Variants in TAFA5 observed in about 807,000 individuals in gnomAD.
TAFA5 encodes chemokine-like protein TAFA-5.
Under a neutral mutation model 15.3 loss-of-function variants are expected in TAFA5, and 6 were observed. The observed-to-expected ratio is 0.39, with a 90% CI of 0.21 to 0.77. The LOEUF (loss-of-function observed/expected upper bound fraction) is 0.77. Among genes scored for constraint, TAFA5 ranks in the 30% least tolerant of loss-of-function variants. The pLI, the probability that TAFA5 is intolerant of heterozygous loss-of-function variation, is 0.41. For synonymous variants in TAFA5, 103 were observed against 80.7 expected (o/e 1.28, Z -1.48); for missense variants, 161 against 193.1 (o/e 0.83, Z 0.98).
intron 1 of TAFA5, among the ~76,000 whole-genome samples, chr22:48,556,853 C>A (rs956795416): frequency 6.6e-6 from 1 of 152,188 alleles, no homozygotes; most frequent in Non-Finnish European, 1.5e-5. Flanking sequence ...CCCTTGGGGG[C>A]ACTGTCCAGC....
intron 2 of TAFA5, among the ~76,000 whole-genome samples, chr22:48,685,901 CTTA>C (rs1406773041): frequency 1.3e-5 from 2 of 152,076 alleles, no homozygotes; most frequent in Non-Finnish European, 2.9e-5. Context: ...GATGCCTTCC[CTTA>C]GTACACACAG....
At chr22:48,663,885 C>G (rs1457633611) in intron 2 of TAFA5, among the ~76,000 whole-genome samples, 1 of 152,194 alleles carries the variant, frequency 6.6e-6, no homozygotes, top group East Asian at 1.9e-4. Flanking sequence ...AGTGCAAGAG[C>G]ACGGGTGATG....
intron 1 of TAFA5, among the ~76,000 whole-genome samples, chr22:48,642,584 G>T (rs890132816): frequency 1.3e-5 from 2 of 152,188 alleles, no homozygotes; most frequent in Non-Finnish European, 1.5e-5. Context: ...GGCCGGCCTG[G>T]ACCCCTCCCC....
chr22:48,602,527 G>T (rs1925011662), intron 1 of TAFA5, among the ~76,000 whole-genome samples: 1 of 152,198 alleles, frequency 6.6e-6, no homozygotes, highest in Non-Finnish European at 1.5e-5. Flanking sequence ...TCACCCCCTT[G>T]CAGTTTCTCT....
rs1489288603 is a variant in TAFA5 at position 48,736,865 on chromosome 22, G to A, written c.391-12974G>A. ...GGGAGTGGTTGCTGACGGGTATGGC[G>A]TTGCTTTCGAGGAGATGAAGGTGTC... On this transcript the variant is annotated intron_variant, in intron 3 of 3. Transcript: ENST00000402357. Among the ~76,000 whole-genome samples the A allele has an allele frequency of 5.3e-5, 8 of 152,232 alleles. No individual in the cohort carries two copies. The East Asian group carries it at 5.8e-4, about 11-fold the overall frequency.
intron 1 of TAFA5, among the ~76,000 whole-genome samples, chr22:48,613,176 A>T (rs1010337902): frequency 6.6e-6 from 1 of 152,124 alleles, no homozygotes; most frequent in African/African-American, 2.4e-5. Context: ...TCTAGGGAGC[A>T]CTCACGGCTG....
rs994150917 is a variant in TAFA5 at position 48,598,015 on chromosome 22, A to C, written c.113-48582A>C. ...AGAGAACGGAACCAATGGGACTTCG[A>C]GAGAGCGAGAGGGAGCGAGGTTTCC... On this transcript the variant is annotated intron_variant, in intron 1 of 3. Coordinates refer to ENST00000402357, the MANE Select transcript of TAFA5 (RefSeq NM_001082967.3). This position sits in a 1 kb window ranked among gnomAD's most constrained non-coding sequence, Gnocchi z 4.0. 6.6e-6 allele frequency among the ~76,000 whole-genome samples: 1 copy of C among 152,222 alleles called. No homozygotes were observed. Among genetic ancestry groups the C allele is most frequent in the Admixed American group, 6.5e-5 (1 of 15,288 alleles).
At chr22:48,506,657 C>T (rs1921005086) in intron 1 of TAFA5, among the ~76,000 whole-genome samples, 1 of 152,190 alleles carries the variant, frequency 6.6e-6, no homozygotes, top group African/African-American at 2.4e-5. Flanking sequence ...GGCTGCCCTG[C>T]CGGGTGCTGA....
chr22:48,695,650 A>C (rs2147241881), intron 2 of TAFA5, among the ~76,000 whole-genome samples: 1 of 152,248 alleles, frequency 6.6e-6, no homozygotes. Context: ...CCTATGGACA[A>C]TTGGCTTCTC....
intron 2 of TAFA5, among the ~76,000 whole-genome samples, chr22:48,706,971 C>T (rs130136): frequency 6.6e-6 from 1 of 152,130 alleles, no homozygotes; most frequent in Admixed American, 6.5e-5. Flanking sequence ...GCAATTCTCT[C>T]TGGCATGGGA....
intron 1 of TAFA5, among the ~76,000 whole-genome samples, chr22:48,576,046 C>T (rs1379641796): frequency 9.0e-6 from 1 of 111,500 alleles, no homozygotes; most frequent in East Asian, 2.5e-4. Flanking sequence ...CGGACCCCCC[C>T]CCCCCCCGCG....
chr22:48,570,650 C>A (rs971068919), intron 1 of TAFA5, among the ~76,000 whole-genome samples: 1 of 152,206 alleles, frequency 6.6e-6, no homozygotes, highest in Admixed American at 6.5e-5. Context: ...CACGGAGGGC[C>A]TACTTTCTCC....
At chr22:48,709,985 A>C (rs1407558559) in intron 3 of TAFA5, among the ~76,000 whole-genome samples, 1 of 152,196 alleles carries the variant, frequency 6.6e-6, no homozygotes, top group East Asian at 1.9e-4. Context: ...CAAGTTGTCG[A>C]TTTTAAAGCG....
intron 1 of TAFA5, among the ~76,000 whole-genome samples, chr22:48,630,616 T>C (rs1926186592): frequency 6.6e-6 from 1 of 152,142 alleles, no homozygotes; most frequent in South Asian, 2.1e-4. Context: ...GAGGCGCTAA[T>C]GATGGAAGTC....
At chr22:48,658,725 C>T (rs181477178) in intron 2 of TAFA5, among the ~76,000 whole-genome samples, 3 of 152,336 alleles carry the variant, frequency 2.0e-5, no homozygotes, top group East Asian at 1.9e-4. Flanking sequence ...CTGCAGAGAA[C>T]GTCTCTCTTC....
chr22:48,609,740 G>A (rs967056901), intron 1 of TAFA5, among the ~76,000 whole-genome samples: 5 of 152,198 alleles, frequency 3.3e-5, no homozygotes, highest in South Asian at 4.1e-4. Context: ...TCTGGAGGCC[G>A]GGGGTCTGGC....
At position 48,599,167 on chromosome 22, in the gene TAFA5, G is replaced by A. The variant is rs117130330; in HGVS notation, c.113-47430G>A. On this transcript the variant is annotated intron_variant, in intron 1 of 3. Transcript: ENST00000402357. ...GTACATATGATTGATTAAATCCTTGGGTATTGGTGATTAACTCAATCTCCA... is the reference window on the plus strand; with the variant it reads ...GTACATATGATTGATTAAATCCTTGAGTATTGGTGATTAACTCAATCTCCA... Among the ~76,000 whole-genome samples, 984 of 152,228 alleles carry A rather than the reference G, an allele frequency of 6.5e-3. 82 individuals carry two copies. The East Asian group carries it at 0.16, about 25-fold the overall frequency.
intron 2 of TAFA5, among the ~76,000 whole-genome samples, chr22:48,694,864 C>A (rs1303239589): frequency 6.9e-6 from 1 of 144,874 alleles, no homozygotes; most frequent in African/African-American, 2.6e-5. Flanking sequence ...CAGACTTCCA[C>A]CCCCACCTGC....
chr22:48,531,053 CAG>C (rs1921953917), intron 1 of TAFA5, among the ~76,000 whole-genome samples: 1 of 152,102 alleles, frequency 6.6e-6, no homozygotes. Flanking sequence ...TGGACCGTCT[CAG>C]GGAATCAGTC....
Sources: gnomAD v4.1 joint callset for allele counts (sites outside exome capture counted in the v4.1 genomes callset) on GRCh38, gnomAD v4.1.1 for gene constraint, Gnocchi (gnomAD v3.1) non-coding constraint, MANE v1.5 for transcripts, NCBI Gene and HGNC (gene_info 2026-07-23, HGNC 2026-07-21) for gene names.